The following RALYL variants were observed in gnomAD, a reference collection of about 807,000 sequenced individuals.
RALYL encodes the protein RNA-binding Raly-like protein.
Under a neutral mutation model 35.1 loss-of-function variants are expected in RALYL, and 29 were observed. The observed-to-expected ratio is 0.83, with a 90% confidence interval of 0.61 to 1.13. RALYL has a LOEUF of 1.13. Among genes scored for constraint, RALYL ranks in the 50% most tolerant of loss-of-function variants. RALYL has a pLI of 0.00. For synonymous variants in RALYL, 120 were observed against 127.6 expected, an observed-to-expected ratio of 0.94 and a Z score of 0.40; for missense variants, 359 against 360.4, an observed-to-expected ratio of 1.00 and a Z score of 0.03.
intron 7 of RALYL, among the ~76,000 whole-genome samples, chr8:84,884,821 CTCTT>C (rs749718518): frequency 1.9e-4 from 29 of 152,164 alleles, no homozygotes; most frequent in Non-Finnish European, 3.4e-4. Flanking sequence ...CTATTTCTCT[CTCTT>C]TCTTCAGGTA....
intron 2 of RALYL, among the ~76,000 whole-genome samples, chr8:84,685,585 C>T (rs370403858): frequency 6.6e-4 from 100 of 152,252 alleles, no homozygotes; most frequent in African/African-American, 2.4e-3. Flanking sequence ...ACAGAAGTTA[C>T]TAATGGTAGT....
At chr8:84,756,948 C>G (rs1381413649) in intron 2 of RALYL, among the ~76,000 whole-genome samples, 1 of 151,850 alleles carries the variant, frequency 6.6e-6, no homozygotes, top group South Asian at 2.1e-4. Context: ...ATTTAGAGAC[C>G]GTGAATGTGA....
At position 84,800,325 on chromosome 8, in the gene RALYL, C is replaced by T. The variant is rs1822943694; in HGVS notation, c.333-4445C>T. Among the ~76,000 whole-genome samples, 7 of 152,352 alleles carry T rather than the reference C, an allele frequency of 4.6e-5. No homozygotes were observed. The South Asian group carries it at 1.5e-3, about 32-fold the overall frequency. On this transcript the variant is annotated intron_variant, in intron 3 of 8. Coordinates refer to ENST00000521268, the MANE Select transcript of RALYL (RefSeq NM_173848.7). ...CAAGGTACTTCATATCTTTTGGTCT[C>T]AGTTTCCTCATCTATAAAATGAGAA...
chr8:84,666,058 C>T (rs1014451204), intron 2 of RALYL, among the ~76,000 whole-genome samples: 7 of 151,900 alleles, frequency 4.6e-5, no homozygotes, highest in Admixed American at 1.3e-4. Context: ...CCTAATGGTT[C>T]GGGTATTGAT....
chr8:84,395,901 T>C (rs1861656879), intron 1 of RALYL, among the ~76,000 whole-genome samples: 1 of 151,956 alleles, frequency 6.6e-6, no homozygotes, highest in South Asian at 2.1e-4. Flanking sequence ...TATAAGTCAC[T>C]CGTTAAAATG....
intron 1 of RALYL, among the ~76,000 whole-genome samples, chr8:84,487,881 T>A (rs2054825656): frequency 6.6e-6 from 1 of 152,096 alleles, no homozygotes; most frequent in Non-Finnish European, 1.5e-5. Flanking sequence ...CCAGATTGTA[T>A]GCAGTGAATG....
At chr8:84,644,470 G>T (rs941356410) in intron 2 of RALYL, among the ~76,000 whole-genome samples, 1 of 151,852 alleles carries the variant, frequency 6.6e-6, no homozygotes, top group African/African-American at 2.4e-5. Context: ...CAAGACATAA[G>T]AAATTAGTAA....
At chr8:84,546,312 G>A (rs964427465) in intron 2 of RALYL, among the ~76,000 whole-genome samples, 2 of 152,004 alleles carry the variant, frequency 1.3e-5, no homozygotes, top group African/African-American at 4.8e-5. Context: ...TAGAGGTAGG[G>A]TTTTGCTATG....
chr8:84,395,725 G>A (rs1006970290), intron 1 of RALYL, among the ~76,000 whole-genome samples: 4 of 151,794 alleles, frequency 2.6e-5, no homozygotes, highest in African/African-American at 7.2e-5. Context: ...ATTTGTGTGA[G>A]GATAACTATT....
rs554007506 is a variant in RALYL, at chr8:84,312,119, A to G, written c.-24+127695A>G. On this transcript the variant is annotated intron_variant, in intron 1 of 8. Coordinates refer to ENST00000521268, the MANE Select transcript of RALYL (RefSeq NM_173848.7). ...GCAAGGACCTTCTTCATAAGGTGGC[A>G]GGAGAGAGATAGCAAGGGCAGGGGA... Among the ~76,000 whole-genome samples, 5 of 152,336 alleles carry G rather than the reference A, an allele frequency of 3.3e-5. No homozygotes were observed. The East Asian group carries it at 9.7e-4, about 29-fold the overall frequency.
At chr8:84,244,769 G>A (rs988495342) in intron 1 of RALYL, among the ~76,000 whole-genome samples, 7 of 152,186 alleles carry the variant, frequency 4.6e-5, no homozygotes, top group Non-Finnish European at 8.8e-5. Context: ...AGAATGAAAG[G>A]TCAGGAGCTT....
chr8:84,806,474 C>T (rs1277838516), intron 4 of RALYL, among the ~76,000 whole-genome samples: 1 of 151,264 alleles, frequency 6.6e-6, no homozygotes, highest in African/African-American at 2.4e-5. Flanking sequence ...TTATTGCATA[C>T]TTCTGTTTTA....
chr8:84,863,397 A>G (rs1222450693), intron 6 of RALYL, among the ~76,000 whole-genome samples: 3 of 152,208 alleles, frequency 2.0e-5, no homozygotes, highest in Non-Finnish European at 4.4e-5. Context: ...GAGCCGAGCC[A>G]GAGAGAGAAA....
chr8:84,409,427 A>G (rs2043880944), intron 1 of RALYL, among the ~76,000 whole-genome samples: 1 of 152,064 alleles, frequency 6.6e-6, no homozygotes, highest in African/African-American at 2.4e-5. Flanking sequence ...CCAGAACAAC[A>G]GGGGACAGCT....
chr8:84,185,948 G>A (rs566249076), intron 1 of RALYL, among the ~76,000 whole-genome samples: 36 of 152,206 alleles, frequency 2.4e-4, no homozygotes, highest in African/African-American at 8.7e-4. Context: ...GCGTGCAATG[G>A]GCCATTTAAC....
intron 3 of RALYL, among the ~76,000 whole-genome samples, chr8:84,803,918 C>A (rs192882119): frequency 6.6e-6 from 1 of 152,244 alleles, no homozygotes; most frequent in East Asian, 1.9e-4. Context: ...ATCTTCAGTT[C>A]GCCTACATTT....
chr8:84,610,603 T>C (rs541382788), intron 2 of RALYL, among the ~76,000 whole-genome samples: 2 of 152,260 alleles, frequency 1.3e-5, no homozygotes, highest in Admixed American at 6.5e-5. Context: ...AATCATTATA[T>C]ACAGCCCACA....
chr8:84,614,180 A>G lies in RALYL; in HGVS notation c.256+84603A>G, dbSNP rs1188343930. Among the ~76,000 whole-genome samples, 4 of 151,682 alleles carry G rather than the reference A, an allele frequency of 2.6e-5. 1 individual carries two copies. Among genetic ancestry groups the G allele is most frequent in the Admixed American group, 2.6e-4 (4 of 15,234 alleles). On this transcript the variant is annotated intron_variant, in intron 2 of 8. Transcript: ENST00000521268. ...AAGCATATTGTGCCTGGCACACAGT[A>G]AGAACTCAGTAAGCCTTAGCTGTTG... is the stretch of plus-strand genomic sequence containing the variant.
intron 1 of RALYL, among the ~76,000 whole-genome samples, chr8:84,254,335 A>G (rs1830806482): frequency 6.6e-6 from 1 of 152,168 alleles, no homozygotes; most frequent in African/African-American, 2.4e-5. Flanking sequence ...CTCTAACTGA[A>G]GCAATTCTGA....
Sources: gnomAD v4.1 joint callset for allele counts (sites outside exome capture counted in the v4.1 genomes callset) on GRCh38, gnomAD v4.1.1 for gene constraint, MANE v1.5 for transcripts, NCBI Gene and HGNC (gene_info 2026-07-23, HGNC 2026-07-21) for gene names.